ESR1: variants seen among roughly 807,000 people sequenced by gnomAD.
ESR1 encodes the protein estrogen receptor.
ESR1 carries 12 observed loss-of-function variants against 52.7 expected under a neutral mutation model. That is an observed-to-expected ratio of 0.23 (90% confidence interval 0.15 to 0.37). ESR1 has a LOEUF of 0.37. Ranked by LOEUF, ESR1 falls within the 10% of genes least tolerant of loss-of-function variation. ESR1 has a pLI of 1.00. For missense variants in ESR1, 584 were observed against 779.7 expected, an observed-to-expected ratio of 0.75 and a Z score of 2.99; for synonymous variants, 305 against 316.8, an observed-to-expected ratio of 0.96 and a Z score of 0.39.
At chr6:151,682,288 C>G (rs1778491130) in intron 1 of ESR1, among the ~76,000 whole-genome samples, 1 of 152,152 alleles carries the variant, frequency 6.6e-6, no homozygotes, top group South Asian at 2.1e-4. Flanking sequence ...TGATGCTATT[C>G]CAGGTGCTCA....
chr6:152,036,682 A>G (rs1023666630), intron 5 of ESR1, among the ~76,000 whole-genome samples: 1 of 152,228 alleles, frequency 6.6e-6, no homozygotes, highest in African/African-American at 2.4e-5. Flanking sequence ...TGGAACTGAA[A>G]TGTTTTAGCG....
At chr6:151,957,094 G>A (rs1280980088) in intron 4 of ESR1, among the ~76,000 whole-genome samples, 11 of 151,596 alleles carry the variant, frequency 7.3e-5, no homozygotes, top group African/African-American at 2.4e-4. Context: ...AGCCAGGATG[G>A]TCTCGATCTC....
chr6:151,680,875 A>C (rs1010848148), intron 1 of ESR1, among the ~76,000 whole-genome samples: 3 of 152,162 alleles, frequency 2.0e-5, no homozygotes, highest in Admixed American at 6.5e-5. Context: ...TCTCCTCCTT[A>C]ACCCCTGAAA....
chr6:152,001,083 G>A (rs1357374662), intron 4 of ESR1, among the ~76,000 whole-genome samples: 1 of 152,034 alleles, frequency 6.6e-6, no homozygotes, highest in East Asian at 1.9e-4. Context: ...CAAGATATGG[G>A]ATAGTTTTTA....
chr6:152,061,975 CT>C lies in ESR1; in HGVS notation c.1369+852del, dbSNP rs1434509531. ...CTCCCCTTAAGCTCCACCTTTCCCCCTGGCTCTAACCCCACTTTGTGCCTCA... is the reference window on the plus strand; with the variant it reads ...CTCCCCTTAAGCTCCACCTTTCCCCCGGCTCTAACCCCACTTTGTGCCTCA... On this transcript the variant is annotated intron_variant, in intron 6 of 7. Coordinates refer to ENST00000206249, the MANE Select transcript of ESR1 (RefSeq NM_000125.4). The surrounding 1 kb of genome is among the most constrained non-coding windows in gnomAD (Gnocchi z 4.3). 2.0e-5 allele frequency among the ~76,000 whole-genome samples: 3 copies of C among 152,176 alleles called. No homozygotes were observed. The highest frequency in any genetic ancestry group is 2.1e-4 in the South Asian group (1 of 4,832).
At chr6:151,781,705 C>A (rs1037185891) in intron 2 of ESR1, among the ~76,000 whole-genome samples, 14 of 151,880 alleles carry the variant, frequency 9.2e-5, no homozygotes, top group African/African-American at 3.4e-4. Flanking sequence ...GTATACCAGG[C>A]AGGTCAGAAT....
intron 4 of ESR1, among the ~76,000 whole-genome samples, chr6:151,995,059 C>T (rs1170020258): frequency 2.0e-5 from 3 of 152,060 alleles, no homozygotes; most frequent in African/African-American, 7.2e-5. Flanking sequence ...AGGGAAGATA[C>T]AAGGAGGGTG....
At chr6:151,665,459 G>T (rs9371226) in intron 1 of ESR1, among the ~76,000 whole-genome samples, 21,623 of 152,110 alleles carry the variant, frequency 0.14, 2,143 homozygotes, top group East Asian at 0.3. Context: ...TCTGAACTCA[G>T]AAGCCCAGAA....
intron 2 of ESR1, among the ~76,000 whole-genome samples, chr6:151,754,287 T>C (rs1238706680): frequency 1.3e-5 from 2 of 151,884 alleles, no homozygotes; most frequent in Non-Finnish European, 2.9e-5. Flanking sequence ...TATTATAAGT[T>C]TGTTGCTGGA....
chr6:151,736,939 A>T lies in ESR1; in HGVS notation c.-71+34934A>T, dbSNP rs377533279. 3.6e-4 allele frequency among the ~76,000 whole-genome samples: 55 copies of T among 152,284 alleles called. 2 individuals are homozygous for T. The South Asian group carries it at 0.011, about 30-fold the overall frequency. On this transcript the variant is annotated intron_variant, in intron 2 of 2. Transcript: ENST00000404742. ...AACATGAGATAAAAAATAAGAGAAG[A>T]ATAGCATCAATTTTCCCATCATTCA... is the stretch of plus-strand genomic sequence containing the variant.
chr6:151,917,580 C>T (rs1448811467), intron 3 of ESR1, among the ~76,000 whole-genome samples: 1 of 152,128 alleles, frequency 6.6e-6, no homozygotes, highest in Non-Finnish European at 1.5e-5. Context: ...ATGCTACTTG[C>T]CAGTTACTTG....
At chr6:151,921,456 G>A (rs1289191530) in intron 3 of ESR1, among the ~76,000 whole-genome samples, 1 of 152,196 alleles carries the variant, frequency 6.6e-6, no homozygotes, top group Admixed American at 6.5e-5. Context: ...ACCCAGTAAT[G>A]GGATTGCCAG....
Position 152,053,813 on chromosome 6 carries a change from C to T in ESR1, c.1236-7178C>T, listed in dbSNP as rs2046886780. On this transcript the variant is annotated intron_variant, in intron 5 of 7. Transcript: ENST00000206249. The surrounding 1 kb of genome is among the most constrained non-coding windows in gnomAD (Gnocchi z 4.1). ...CTTTTTGGAAGGCGTTTTGGCAATACTTAGTAAAAGGTTAAATGTTTACAC... is the reference window on the plus strand; with the variant it reads ...CTTTTTGGAAGGCGTTTTGGCAATATTTAGTAAAAGGTTAAATGTTTACAC... 1.3e-5 allele frequency among the ~76,000 whole-genome samples: 2 copies of T among 152,098 alleles called. No homozygotes were observed. The highest frequency in any genetic ancestry group is 1.3e-4 in the Admixed American group (2 of 15,272).
At chr6:151,826,086 G>A (rs1295233881) in intron 1 of ESR1, among the ~76,000 whole-genome samples, 1 of 151,936 alleles carries the variant, frequency 6.6e-6, no homozygotes, top group Non-Finnish European at 1.5e-5. Context: ...GAGGGGGGTG[G>A]CGGGGAAGGA....
At chr6:151,816,951 C>T (rs1779754225) in intron 1 of ESR1, among the ~76,000 whole-genome samples, 1 of 152,044 alleles carries the variant, frequency 6.6e-6, no homozygotes, top group Non-Finnish European at 1.5e-5. Flanking sequence ...GAGTGAGGGG[C>T]ATTAAGTATT....
intron 4 of ESR1, among the ~76,000 whole-genome samples, chr6:151,988,312 G>T (rs1289856850): frequency 1.3e-5 from 2 of 152,056 alleles, no homozygotes; most frequent in East Asian, 3.9e-4. Flanking sequence ...GCACAACCTA[G>T]ATCCCTTGTG....
At chr6:151,986,474 T>C in intron 4 of ESR1, among the ~76,000 whole-genome samples, 1 of 152,026 alleles carries the variant, frequency 6.6e-6, no homozygotes, top group East Asian at 1.9e-4. Context: ...CCAGGCCCCT[T>C]GGTATGGAGA....
At chr6:151,835,341 T>C (rs1403545045) in intron 1 of ESR1, among the ~76,000 whole-genome samples, 1 of 152,020 alleles carries the variant, frequency 6.6e-6, no homozygotes, top group East Asian at 1.9e-4. Context: ...GGGACAGCAG[T>C]TGGATGTGGC....
chr6:151,747,487 C>A (rs1304984854), intron 2 of ESR1, among the ~76,000 whole-genome samples: 1 of 152,162 alleles, frequency 6.6e-6, no homozygotes, highest in Non-Finnish European at 1.5e-5. Flanking sequence ...TCTTTGCAAC[C>A]ATTACCTCTC....
Sources: allele counts gnomAD v4.1 joint callset (sites outside exome capture counted in the v4.1 genomes callset), GRCh38; gene constraint gnomAD v4.1.1; non-coding constraint Gnocchi (gnomAD v3.1); transcripts MANE v1.5; gene names NCBI Gene and HGNC (gene_info 2026-07-23, HGNC 2026-07-21).